Variants in SULT1A1 observed in about 807,000 individuals in gnomAD.
SULT1A1 encodes sulfotransferase 1A1.
A neutral mutation model predicts 36.8 loss-of-function variants in SULT1A1; 35 were observed. That is an observed-to-expected ratio of 0.95 (90% CI 0.73 to 1.26). The LOEUF is 1.26. Among genes scored for constraint, SULT1A1 ranks in the 50% most tolerant of loss-of-function variants. The pLI, the probability that SULT1A1 is intolerant of heterozygous loss-of-function variation, is 0.00. For synonymous variants in SULT1A1, 119 were observed against 146.0 expected (o/e 0.82, Z 1.33); for missense variants, 309 against 383.0 (o/e 0.81, Z 1.61).
At chr16:28,613,830 AG>A (rs1221848374), upstream of SULT1A1, 2 of 35,546 alleles carry the variant, frequency 5.6e-5, no homozygotes, top group African/African-American at 2.6e-4. Context: ...CAACAGCGGC[AG>A]GATACGGAGG....
rs2077412 is a variant in SULT1A1, at chr16:28,609,990, T to C, written c.-64A>G. ...CGCCCGCAGTGGCTGATTGTGGGTG[T>C]TGTGTGGGGAATGCAGGGTTGTTCT... On this transcript the variant is annotated 5_prime_UTR_variant, in exon 1 of 8. Coordinates refer to ENST00000314752, the MANE Select transcript of SULT1A1 (RefSeq NM_001055.4). The C allele has an allele frequency of 0.7, 897,066 of 1,285,320 alleles. 306,061 individuals are homozygous for C. Among genetic ancestry groups the C allele is most frequent in the Admixed American group, 0.77 (33,357 of 43,212 alleles). The allele number at this position is 1,285,320 out of a possible 1,614,324, so 79.6% of individuals were successfully genotyped here. A position where few individuals can be genotyped will look rare whatever the true frequency, so the allele number is the denominator to read the frequency against.
At chr16:28,617,402 C>G (rs2047566637) in intron 2 of SULT1A1, among the ~76,000 whole-genome samples, 1 of 152,174 alleles carries the variant, frequency 6.6e-6, no homozygotes, top group African/African-American at 2.4e-5. Context: ...TCATCGAACT[C>G]TAGTTAATGA....
intron 1 of SULT1A1, chr16:28,609,476 G>T: frequency 1.7e-6 from 2 of 1,175,634 alleles, no homozygotes; most frequent in Non-Finnish European, 2.3e-6. Context: ...CTCAGCAAAA[G>T]CACAGGCCTA....
intron 6 of SULT1A1, among the ~76,000 whole-genome samples, 163 bp from the exon 7 acceptor site, chr16:28,606,399 A>G (rs2047188704): frequency 6.6e-6 from 1 of 151,788 alleles, no homozygotes; most frequent in Non-Finnish European, 1.5e-5. Context: ...GGTAAAAAGA[A>G]TTGCTGTCTG....
chr16:28,610,264 G>GTTTTTTTTT (rs538720119), upstream of SULT1A1: 47 of 349,468 alleles, frequency 1.3e-4, no homozygotes, highest in East Asian at 3.6e-4. Flanking sequence ...TTTTTTTTCT[G>GTTTTTTTTT]TTTTTTTTTT....
intron 1 of SULT1A1, 169 bp from the exon 2 acceptor site, chr16:28,609,028 C>G: frequency 6.6e-7 from 1 of 1,514,418 alleles, no homozygotes; most frequent in Non-Finnish European, 8.9e-7. Flanking sequence ...AGGTCGGGCT[C>G]TAATGCGGTG....
At chr16:28,607,379 A>G (rs1567306115) in intron 4 of SULT1A1, 1 of 422,958 alleles carries the variant, frequency 2.4e-6, no homozygotes, top group African/African-American at 1.9e-5. Context: ...TGGGCCTGTG[A>G]GGACCCACCC....
At chr16:28,620,010 T>A (rs2086568975) in intron 2 of SULT1A1, 2 of 1,457,686 alleles carry the variant, frequency 1.4e-6, no homozygotes, top group Admixed American at 3.4e-5. Flanking sequence ...TGTGTGTGTG[T>A]GTATATACAC....
intron 1 of SULT1A1, chr16:28,623,027 C>T: frequency 1.4e-6 from 2 of 1,444,364 alleles, no homozygotes; most frequent in Non-Finnish European, 1.9e-6. Context: ...CCCGGGTCCC[C>T]AGGCTCCTGC....
In SULT1A1 at chr16:28,606,512, G is replaced by A. The variant is rs2047194513; in HGVS notation, c.594+249C>T. Among the ~76,000 whole-genome samples the A allele has an allele frequency of 2.0e-5, 3 of 151,936 alleles. No individual in the cohort carries two copies. The South Asian group carries it at 6.2e-4, about 32-fold the overall frequency. The stretch of plus-strand genomic sequence containing the variant: ...TGGGTAGCACACCCTTTGGCAGGGA[G>A]TAGCAATAGGACTAAGTTTCTGATC... On this transcript the variant is annotated intron_variant, in intron 6 of 7. Coordinates refer to ENST00000314752, the MANE Select transcript of SULT1A1 (RefSeq NM_001055.4).
chr16:28,608,605 T>C lies in SULT1A1; in HGVS notation c.149-2A>G, dbSNP rs2047320081. 3.7e-6 allele frequency: 6 copies of C among 1,611,830 alleles called. No homozygotes were observed. In the East Asian group the frequency reaches 1.3e-4, roughly 36 times the overall value. Reference sequence around the variant, plus strand: ...GAATCTGGCTTACCCAGGTAGTGCCTGGAGAGGGAGGGAGATGGGAGGTGA... The same window carrying C: ...GAATCTGGCTTACCCAGGTAGTGCCCGGAGAGGGAGGGAGATGGGAGGTGA... On this transcript the variant is annotated splice_acceptor_variant, in intron 2 of 7. Coordinates refer to ENST00000314752, the MANE Select transcript of SULT1A1 (RefSeq NM_001055.4). LOFTEE classifies it high-confidence loss of function.
chr16:28,616,741 G>A (rs1213603643), intron 2 of SULT1A1, among the ~76,000 whole-genome samples: 1 of 152,078 alleles, frequency 6.6e-6, no homozygotes, highest in Non-Finnish European at 1.5e-5. Flanking sequence ...TATTTCTTAT[G>A]TGAACTTGGC....
At chr16:28,623,262 G>T (rs2047694514) in exon 1 of SULT1A1, 3 of 1,544,502 alleles carry the variant, frequency 1.9e-6, no homozygotes, top group Non-Finnish European at 2.6e-6. Context: ...GTTGAAGTTG[G>T]CGTGGAAGGT....
At chr16:28,609,035 G>A (rs1366733829) in intron 1 of SULT1A1, 176 bp from the exon 2 acceptor site, 24 of 1,497,754 alleles carry the variant, frequency 1.6e-5, no homozygotes, top group East Asian at 1.2e-4. Context: ...GCTCTAATGC[G>A]GTGGTTCCCC....
chr16:28,608,612 G>C lies in SULT1A1; in HGVS notation c.149-9C>G. 5 of 1,611,780 alleles carry C rather than the reference G, an allele frequency of 3.1e-6. No individual in the cohort carries two copies. Among genetic ancestry groups the C allele is most frequent in the Non-Finnish European group, 3.4e-6 (4 of 1,178,118 alleles). On this transcript the variant is annotated splice_polypyrimidine_tract_variant and intron_variant, in intron 2 of 7. Coordinates refer to ENST00000314752, the MANE Select transcript of SULT1A1 (RefSeq NM_001055.4). ...GCTTACCCAGGTAGTGCCTGGAGAG[G>C]GAGGGAGATGGGAGGTGAGCAGGCT...
At chr16:28,610,100 G>T (rs565225953), upstream of SULT1A1, 3 of 1,285,504 alleles carry the variant, frequency 2.3e-6, no homozygotes, top group Admixed American at 4.6e-5. Flanking sequence ...GGAAGGGGTG[G>T]GGTTGGGGGT....
chr16:28,621,506 A>AGAAG (rs67255034), intron 1 of SULT1A1, among the ~76,000 whole-genome samples: 10 of 42,444 alleles, frequency 2.4e-4, no homozygotes, highest in African/African-American at 4.9e-4. Context: ...AAAAAAAAAA[A>AGAAG]AAGAAGAAGA....
intron 2 of SULT1A1, among the ~76,000 whole-genome samples, chr16:28,617,868 C>A (rs1266575496): frequency 6.6e-6 from 1 of 152,080 alleles, no homozygotes; most frequent in Non-Finnish European, 1.5e-5. Flanking sequence ...CAAAAAATCT[C>A]CAAATGGGCT....
At position 28,606,871 on chromosome 16, in the gene SULT1A1, AG is replaced by A; in HGVS notation, c.500-17del. 6.2e-7 allele frequency: 1 copy of A among 1,612,508 alleles called. No individual in the cohort carries two copies. Among genetic ancestry groups the A allele is most frequent in the Admixed American group, 1.7e-5 (1 of 59,936 alleles). On this transcript the variant is annotated splice_polypyrimidine_tract_variant and intron_variant, in intron 5 of 7. Coordinates refer to ENST00000314752, the MANE Select transcript of SULT1A1 (RefSeq NM_001055.4). Reference sequence around the variant, plus strand: ...CCGTAGGACACTGGAGAAGCAGGCAAGGGGTGCCAACACAGGGTTGCTGTGC... The same window carrying A: ...CCGTAGGACACTGGAGAAGCAGGCAAGGGTGCCAACACAGGGTTGCTGTGC...
Sources: allele counts gnomAD v4.1 joint callset (sites outside exome capture counted in the v4.1 genomes callset), GRCh38; gene constraint gnomAD v4.1.1; transcripts MANE v1.5; gene names NCBI Gene and HGNC (gene_info 2026-07-23, HGNC 2026-07-21).